The following PILRB variants were observed in gnomAD, a reference collection of about 807,000 sequenced individuals.
PILRB encodes paired immunoglobin like type 2 receptor beta.
PILRB carries 21 observed loss-of-function variants against 20.5 expected under a neutral mutation model. The ratio of observed to expected loss-of-function variants is 1.02; its 90% CI spans 0.72 to 1.47. The LOEUF is 1.47. Ranked by LOEUF, PILRB falls within the 40% of genes most tolerant of loss-of-function variation. The pLI is 0.00. For missense variants in PILRB, 253 were observed against 272.1 expected (o/e 0.93, Z 0.49); for synonymous variants, 133 against 115.1 (o/e 1.16, Z -0.99).
chr7:100,359,421 AATCATGGC>A lies in PILRB; in HGVS notation c.541_548del (p.Ser181ProfsTer37). 6.2e-7 allele frequency: 1 copy of A among 1,614,162 alleles called. No homozygotes were observed. Among genetic ancestry groups the A allele is most frequent in the Non-Finnish European group, 8.5e-7 (1 of 1,180,016 alleles). On this transcript the variant is annotated frameshift_variant, in exon 3 of 4. Coordinates refer to ENST00000609309, the MANE Select transcript of PILRB (RefSeq NM_178238.4). LOFTEE classifies it high-confidence loss of function. Reference sequence around the variant, plus strand: ...GTCACAGAAAGCAAAGGGCACTCAGAATCATGGCACCTAAGTCTGGACACTGCCATCAG... The same window carrying A: ...GTCACAGAAAGCAAAGGGCACTCAGAACCTAAGTCTGGACACTGCCATCAG...
At chr7:100,361,124 A>C (rs2130104304) in intron 3 of PILRB, among the ~76,000 whole-genome samples, 1 of 151,966 alleles carries the variant, frequency 6.6e-6, no homozygotes, top group East Asian at 2.0e-4. Flanking sequence ...TTTAGTAGAG[A>C]CGGGGTTTCA....
intron 1 of PILRB, 119 bp from the exon 2 acceptor site, chr7:100,358,571 T>C: frequency 1.4e-6 from 2 of 1,385,420 alleles, no homozygotes; most frequent in Non-Finnish European, 2.0e-6. Context: ...CAGAGGTCAG[T>C]CCAGCCACCT....
intron 3 of PILRB, among the ~76,000 whole-genome samples, chr7:100,366,002 G>GCTATACAGT (rs1790673548): frequency 1.4e-5 from 2 of 147,386 alleles, no homozygotes; most frequent in African/African-American, 5.0e-5. Context: ...CACCCAGGCT[G>GCTATACAGT]GAGTGCAGTG....
intron 1 of PILRB, 45 bp from the exon 2 acceptor site, chr7:100,358,645 G>T (rs763403603): frequency 6.3e-7 from 1 of 1,598,232 alleles, no homozygotes; most frequent in East Asian, 2.2e-5. Flanking sequence ...TGTGTCCTGA[G>T]GTGGTTTCAA....
At chr7:100,366,613 T>C (rs1246648717) in intron 3 of PILRB, among the ~76,000 whole-genome samples, 1 of 151,794 alleles carries the variant, frequency 6.6e-6, no homozygotes, top group African/African-American at 2.4e-5. Flanking sequence ...GCAACAGAAC[T>C]TGAACAGCCA....
chr7:100,358,520 C>T (rs1790429355), intron 1 of PILRB, among the ~76,000 whole-genome samples, 154 bp downstream of exon 1: 1 of 152,232 alleles, frequency 6.6e-6, no homozygotes, highest in Non-Finnish European at 1.5e-5. Context: ...ATCTCTTCCC[C>T]CTCCACCCTC....
intron 2 of PILRB, 28 bp from the exon 3 acceptor site, chr7:100,359,309 G>A (rs947344971): frequency 2.2e-5 from 35 of 1,611,792 alleles, no homozygotes; most frequent in Admixed American, 1.2e-4. Flanking sequence ...CCCCAGAAGA[G>A]GGTCTGCTCA....
chr7:100,365,947 T>TG lies in PILRB; in HGVS notation c.656-1400dup, dbSNP rs200581682. Among the ~76,000 whole-genome samples, 30 of 144,202 alleles carry TG rather than the reference T, an allele frequency of 2.1e-4. 2 individuals carry two copies. Among genetic ancestry groups the TG allele is most frequent in the African/African-American group, 7.3e-4 (27 of 37,214 alleles). The allele number at this position is 144,202 out of a possible 152,430, so 94.6% of individuals were successfully genotyped here. ...AATGGTTAGGATGGTAAATTCTAGGTGGTTTTTTTTTTTTTTTTTTTTTTT... is the reference window on the plus strand; with the variant it reads ...AATGGTTAGGATGGTAAATTCTAGGTGGGTTTTTTTTTTTTTTTTTTTTTTT... On this transcript the variant is annotated intron_variant, in intron 3 of 3. Transcript: ENST00000609309.
At position 100,359,433 on chromosome 7, in the gene PILRB, T is replaced by G; in HGVS notation, c.551T>G (p.Leu184Arg). 1.2e-6 allele frequency: 2 copies of G among 1,614,140 alleles called. No homozygotes were observed. Among genetic ancestry groups the G allele is most frequent in the Non-Finnish European group, 1.7e-6 (2 of 1,179,996 alleles). Residue 184 changes from leucine (L) to arginine (R), a missense_variant, in exon 3 of 4, where the codon CTA becomes CGA. By Grantham distance (102) the Leu-to-Arg change is moderately radical. Transcript: ENST00000609309. Reference sequence around the variant, plus strand: ...AAAGGGCACTCAGAATCATGGCACCTAAGTCTGGACACTGCCATCAGGGTT... The same window carrying G: ...AAAGGGCACTCAGAATCATGGCACCGAAGTCTGGACACTGCCATCAGGGTT... ...ESKGHSESWH[L>R]SLDTAIRVAL...
At chr7:100,364,263 G>A (rs941600710) in intron 3 of PILRB, among the ~76,000 whole-genome samples, 1 of 152,162 alleles carries the variant, frequency 6.6e-6, no homozygotes, top group Non-Finnish European at 1.5e-5. Context: ...TGAGAAAGCT[G>A]GGTACTCACA....
chr7:100,359,285 C>G, intron 2 of PILRB, 52 bp from the exon 3 acceptor site: 2 of 1,592,338 alleles, frequency 1.3e-6, no homozygotes, highest in South Asian at 2.2e-5. Context: ...GCCTTTCATC[C>G]AGACGCCCCA....
In PILRB at chr7:100,367,476, A is replaced by G. The variant is rs1466486579; in HGVS notation, c.*99A>G. The G allele has an allele frequency of 1.3e-6, 1 of 761,002 alleles. No individual in the cohort carries two copies. Among genetic ancestry groups the G allele is most frequent in the Non-Finnish European group, 2.5e-6 (1 of 402,630 alleles). 47.1% of individuals were successfully genotyped at this position (761,002 alleles called of 1,614,324 possible). A position where few individuals can be genotyped will look rare whatever the true frequency, so the allele number is the denominator to read the frequency against. On this transcript the variant is annotated 3_prime_UTR_variant, in exon 4 of 4. Transcript: ENST00000609309. ...CACACTCGTTCCCCATTGGCAAGAT[A>G]CATGGAGAGCACCCTGAGGACCTTT...
Position 100,367,564 on chromosome 7 carries a change from A to G in PILRB, c.*187A>G. 1.6e-6 allele frequency: 1 copy of G among 609,526 alleles called. No homozygotes were observed. Among genetic ancestry groups the G allele is most frequent in the East Asian group, 2.8e-5 (1 of 36,042 alleles). 37.8% of individuals were successfully genotyped at this position (609,526 alleles called of 1,614,324 possible). On this transcript the variant is annotated 3_prime_UTR_variant, in exon 4 of 4. Transcript: ENST00000609309. ...CTGAATCACCGACTGGAGGAGAGTT[A>G]CCTACAAGAGCCTTCATCCAGGAGC...
rs1563108769 is a variant in PILRB at position 100,359,452 on chromosome 7, C to T, written c.570C>T (p.Ile190=). The change falls in exon 3 of 4, where the codon ATC becomes ATT. Residue 190 remains isoleucine (I), a synonymous_variant. Coordinates refer to ENST00000609309, the MANE Select transcript of PILRB (RefSeq NM_178238.4). ...ESWHLSLDTA[I]RVALAVAVLK... The stretch of plus-strand genomic sequence containing the variant: ...GGCACCTAAGTCTGGACACTGCCAT[C>T]AGGGTTGCATTGGCTGTCGCTGTGC... The T allele has an allele frequency of 6.2e-7, 1 of 1,614,204 alleles. No homozygotes were observed. The highest frequency in any genetic ancestry group is 8.5e-7 in the Non-Finnish European group (1 of 1,180,014).
chr7:100,365,949 G>GC (rs1790670691), intron 3 of PILRB, among the ~76,000 whole-genome samples: 3 of 127,806 alleles, frequency 2.3e-5, no homozygotes, highest in African/African-American at 8.5e-5. Flanking sequence ...ATTCTAGGTG[G>GC]TTTTTTTTTT....
chr7:100,361,133 C>T (rs1179545529), intron 3 of PILRB, among the ~76,000 whole-genome samples: 1 of 151,994 alleles, frequency 6.6e-6, no homozygotes, highest in Admixed American at 6.6e-5. Context: ...GACGGGGTTT[C>T]ACTCTGTTAG....
intron 3 of PILRB, among the ~76,000 whole-genome samples, chr7:100,364,069 T>C (rs1038388432): frequency 6.6e-6 from 1 of 151,244 alleles, no homozygotes; most frequent in Non-Finnish European, 1.5e-5. Flanking sequence ...GATCACGCCA[T>C]TGCATTCCAG....
At chr7:100,366,347 A>G (rs1302656971) in intron 3 of PILRB, among the ~76,000 whole-genome samples, 2 of 152,130 alleles carry the variant, frequency 1.3e-5, no homozygotes, top group African/African-American at 4.8e-5. Flanking sequence ...TAAAAAACAA[A>G]AAACCTGTAG....
chr7:100,366,156 A>G (rs1289523027), intron 3 of PILRB, among the ~76,000 whole-genome samples: 1 of 151,820 alleles, frequency 6.6e-6, no homozygotes, highest in Non-Finnish European at 1.5e-5. Flanking sequence ...TTTTCACCAT[A>G]TTGTTCAGGC....
Sources: gnomAD v4.1 joint callset for allele counts (sites outside exome capture counted in the v4.1 genomes callset) on GRCh38, gnomAD v4.1.1 for gene constraint, MANE v1.5 for transcripts, NCBI Gene and HGNC (gene_info 2026-07-23, HGNC 2026-07-21) for gene names.